ACTR3C: variants seen among roughly 807,000 people sequenced by gnomAD.
ACTR3C encodes actin-related protein 3C.
In ACTR3C, 18 loss-of-function variants were observed where a neutral mutation model predicts 26.3. The ratio of observed to expected loss-of-function variants is 0.68; its 90% CI spans 0.47 to 1.01. The LOEUF (loss-of-function observed/expected upper bound fraction) is 1.01. Ranked by LOEUF, ACTR3C falls within the 50% of genes least tolerant of loss-of-function variation. ACTR3C has a pLI of 0.00. For synonymous variants in ACTR3C, 55 were observed against 94.5 expected, an observed-to-expected ratio of 0.58 and a Z score of 2.42; for missense variants, 184 against 250.7, an observed-to-expected ratio of 0.73 and a Z score of 1.80.
chr7:150,116,107 T>G, the ACTR3C span, among the ~76,000 whole-genome samples: 1 of 152,216 alleles, frequency 6.6e-6, no homozygotes, highest in African/African-American at 2.4e-5. Flanking sequence ...GATGACAACC[T>G]CATGGGGGAA....
the ACTR3C span, among the ~76,000 whole-genome samples, chr7:150,119,667 CA>C: frequency 1.3e-5 from 2 of 152,154 alleles, no homozygotes; most frequent in South Asian, 4.1e-4. Context: ...CAATATTAGA[CA>C]GATCAAGGAG....
chr7:150,267,584 A>G (rs1834137045), intron 6 of ACTR3C, among the ~76,000 whole-genome samples: 1 of 152,198 alleles, frequency 6.6e-6, no homozygotes, highest in African/African-American at 2.4e-5. Context: ...TGATGCTAAC[A>G]CACTGTTATA....
At chr7:149,987,225 C>A in the ACTR3C span, among the ~76,000 whole-genome samples, 4 of 152,218 alleles carry the variant, frequency 2.6e-5, no homozygotes, top group Non-Finnish European at 4.4e-5. Context: ...TCAATAAAAT[C>A]TTTGTGAGCA....
At chr7:149,915,420 C>CTTAAAATAGGGTAATAAGCTAT in the ACTR3C span, among the ~76,000 whole-genome samples, 1 of 152,048 alleles carries the variant, frequency 6.6e-6, no homozygotes, top group Non-Finnish European at 1.5e-5. Flanking sequence ...GCTATTACTC[C>CTTAAAATAGGGTAATAAGCTAT]TACCCTTAAA....
At chr7:150,041,117 C>T in the ACTR3C span, among the ~76,000 whole-genome samples, 1 of 150,512 alleles carries the variant, frequency 6.6e-6, no homozygotes, top group Non-Finnish European at 1.5e-5. Flanking sequence ...GATCGGGTAG[C>T]CCCAGGGCTG....
the ACTR3C span, among the ~76,000 whole-genome samples, chr7:150,227,336 T>C: frequency 6.6e-6 from 1 of 151,550 alleles, no homozygotes; most frequent in African/African-American, 2.4e-5. Context: ...CTTTTTTCAT[T>C]CTGTTTCTAT....
At chr7:150,315,906 C>T (rs565651285) in intron 1 of ACTR3C, among the ~76,000 whole-genome samples, 23 of 152,006 alleles carry the variant, frequency 1.5e-4, no homozygotes, top group Admixed American at 1.1e-3. Flanking sequence ...TATTTAAAAA[C>T]GAATGCATAG....
the ACTR3C span, chr7:150,041,359 C>CGAGCTGCGTTCGGACCCG: frequency 1.3e-5 from 2 of 150,720 alleles, no homozygotes; most frequent in Non-Finnish European, 2.9e-5. Flanking sequence ...TTTCTGTTCC[C>CGAGCTGCGTTCGGACCCG]GAGCTGCGTT....
At chr7:149,938,648 G>T in the ACTR3C span, among the ~76,000 whole-genome samples, 1 of 151,972 alleles carries the variant, frequency 6.6e-6, no homozygotes, top group Non-Finnish European at 1.5e-5. Flanking sequence ...AAGAAAATGG[G>T]GGTTGGGTAG....
the ACTR3C span, chr7:150,002,736 T>A: frequency 1.5e-4 from 23 of 152,222 alleles, no homozygotes; most frequent in Non-Finnish European, 3.4e-4. Flanking sequence ...TAATTTCTAA[T>A]CATTTTAATT....
chr7:150,299,659 G>A (rs183632733), intron 1 of ACTR3C, among the ~76,000 whole-genome samples: 13 of 151,942 alleles, frequency 8.6e-5, no homozygotes, highest in Middle Eastern at 6.8e-3. Flanking sequence ...GGTGGTGCAC[G>A]CCTGTAATCC....
the ACTR3C span, among the ~76,000 whole-genome samples, chr7:150,234,286 G>A: frequency 1.3e-5 from 2 of 152,186 alleles, no homozygotes; most frequent in African/African-American, 4.8e-5. Context: ...CAAGGAACAG[G>A]AAGGATATTG....
the ACTR3C span, among the ~76,000 whole-genome samples, chr7:150,212,857 T>C: frequency 6.6e-6 from 1 of 151,560 alleles, no homozygotes; most frequent in Non-Finnish European, 1.5e-5. Flanking sequence ...AATCAGGCAG[T>C]GGGGGTTTGA....
chr7:150,292,397 T>C (rs1563187967), intron 3 of ACTR3C, among the ~76,000 whole-genome samples: 2 of 152,018 alleles, frequency 1.3e-5, no homozygotes, highest in African/African-American at 2.4e-5. Flanking sequence ...AATTCAGAGA[T>C]CTCTTGAAAC....
the ACTR3C span, among the ~76,000 whole-genome samples, chr7:150,096,496 C>T: frequency 5.9e-4 from 90 of 151,590 alleles, 3 homozygotes; most frequent in African/African-American, 2.1e-3. Flanking sequence ...GCAATCTTAA[C>T]CTCAACAATG....
intron 3 of ACTR3C, among the ~76,000 whole-genome samples, chr7:150,291,070 T>C (rs1486735825): frequency 6.6e-6 from 1 of 152,130 alleles, no homozygotes; most frequent in Non-Finnish European, 1.5e-5. Flanking sequence ...AAACCAGACA[T>C]GAGACATTCC....
chr7:150,276,336 A>G lies in ACTR3C; in HGVS notation c.564+8417T>C, dbSNP rs1834881198. 1.3e-5 allele frequency among the ~76,000 whole-genome samples: 2 copies of G among 152,188 alleles called. 1 individual carries two copies. The highest frequency in any genetic ancestry group is 4.1e-4 in the South Asian group (2 of 4,832). On this transcript the variant is annotated intron_variant, in intron 6 of 7. Transcript: ENST00000683684. ...GCAGGTGCAAGGTAAAGAACCGCTC[A>G]TAGACATGCCTTCCCCTCTCCCTGC... is the stretch of plus-strand genomic sequence containing the variant.
the ACTR3C span, among the ~76,000 whole-genome samples, chr7:149,884,951 G>A: frequency 1.3e-5 from 2 of 152,148 alleles, no homozygotes; most frequent in Admixed American, 6.5e-5. Context: ...TGAAGCCCTC[G>A]AAGACAGGAT....
chr7:150,275,500 C>A (rs1352712832), intron 6 of ACTR3C, among the ~76,000 whole-genome samples: 1 of 152,204 alleles, frequency 6.6e-6, no homozygotes, highest in Non-Finnish European at 1.5e-5. Flanking sequence ...CACCTGAGGT[C>A]AGGAGTTCGA....
Sources: allele counts gnomAD v4.1 joint callset (sites outside exome capture counted in the v4.1 genomes callset), GRCh38; gene constraint gnomAD v4.1.1; transcripts MANE v1.5; gene names NCBI Gene and HGNC (gene_info 2026-07-23, HGNC 2026-07-21).